Variants in SPDL1 observed in about 807,000 individuals in gnomAD.
SPDL1 encodes the protein protein Spindly.
SPDL1 carries 85 observed loss-of-function variants against 79.5 expected under a neutral mutation model. The observed-to-expected ratio is 1.07, with a 90% CI of 0.90 to 1.28. The LOEUF (loss-of-function observed/expected upper bound fraction) is 1.28. SPDL1 is among the 50% of genes most tolerant of loss of function. The pLI, the probability that SPDL1 is intolerant of heterozygous loss-of-function variation, is 0.00. For synonymous variants in SPDL1, 269 were observed against 240.3 expected (o/e 1.12, Z -1.10); for missense variants, 703 against 697.8 (o/e 1.01, Z -0.08).
chr5:169,594,996 A>T (rs1037813395), intron 7 of SPDL1, among the ~76,000 whole-genome samples: 3 of 152,170 alleles, frequency 2.0e-5, no homozygotes, highest in Non-Finnish European at 2.9e-5. Flanking sequence ...TCTTGGCCTG[A>T]TGTCTTTCCA....
chr5:169,598,523 T>C lies in SPDL1; in HGVS notation c.1080T>C (p.Thr360=). The part of the protein sequence containing the change: ...MESKPSVDSG[T]LEDNTYYTDL... ...CTAAGCCTTCAGTCGACTCTGGTAC[T>C]CTGGAAGATAACACCTATTATACAG... is the stretch of plus-strand genomic sequence containing the variant. Residue 360 remains threonine, a synonymous_variant, in exon 9 of 12, where the codon ACT becomes ACC. Coordinates refer to ENST00000265295, the MANE Select transcript of SPDL1 (RefSeq NM_017785.5). 2 of 1,613,376 alleles carry C rather than the reference T, an allele frequency of 1.2e-6. No individual in the cohort carries two copies. Among genetic ancestry groups the C allele is most frequent in the Non-Finnish European group, 1.7e-6 (2 of 1,179,448 alleles).
intron 8 of SPDL1, 142 bp downstream of exon 8, chr5:169,596,843 A>G (rs1026748386): frequency 1.2e-5 from 8 of 645,070 alleles, no homozygotes; most frequent in African/African-American, 9.7e-5. Context: ...TTCTCCTTAT[A>G]CTTAAACATC....
At chr5:169,588,296 C>T (rs972413813) in intron 1 of SPDL1, 98 bp from the exon 2 acceptor site, 44 of 772,314 alleles carry the variant, frequency 5.7e-5, no homozygotes, top group Admixed American at 2.0e-4. Context: ...TGTTTTTATA[C>T]GACAGTAGTA....
chr5:169,601,758 A>G lies in SPDL1; in HGVS notation c.1670+133A>G, dbSNP rs567354486. 5 of 884,706 alleles carry G rather than the reference A, an allele frequency of 5.7e-6. 1 individual carries two copies. The highest frequency in any genetic ancestry group is 2.9e-5 in the South Asian group (2 of 70,130). The allele number at this position is 884,706 out of a possible 1,614,324, so 54.8% of individuals were successfully genotyped here. On this transcript the variant is annotated intron_variant, in intron 11 of 11. Transcript: ENST00000265295. ...GCAGTATAATTCCTCAGTTTCATCT[A>G]CCTACCTTCAACTTTTCCAGAACTT...
chr5:169,588,662 A>C, intron 2 of SPDL1, 87 bp downstream of exon 2: 2 of 1,248,798 alleles, frequency 1.6e-6, no homozygotes, highest in Non-Finnish European at 2.2e-6. Flanking sequence ...GTAGTAGTTT[A>C]TTCTTTTCTG....
chr5:169,595,469 A>G (rs1420841783), intron 7 of SPDL1: 1 of 152,244 alleles, frequency 6.6e-6, no homozygotes, highest in Non-Finnish European at 1.5e-5. Context: ...TGAAAGCAAC[A>G]GTACCTCATC....
intron 2 of SPDL1, 99 bp downstream of exon 2, chr5:169,588,674 A>G: frequency 8.8e-6 from 10 of 1,136,868 alleles, no homozygotes; most frequent in Non-Finnish European, 1.2e-5. Context: ...TCTTTTCTGA[A>G]GATTTTAGAT....
Position 169,604,097 on chromosome 5 carries a change from G to C in SPDL1, c.1708G>C (p.Glu570Gln). ...AESKLQTEVK[E>Q]GKETSSKLEK... is the part of the protein sequence containing the mutation. Reference sequence around the variant, plus strand: ...ATCAAAGCTTCAAACAGAAGTTAAAGAAGGAAAAGAAACTTCAAGCAAATT... The same window carrying C: ...ATCAAAGCTTCAAACAGAAGTTAAACAAGGAAAAGAAACTTCAAGCAAATT... Residue 570 changes from glutamate (E) to glutamine (Q), a missense_variant, in exon 12 of 12, where the codon GAA becomes CAA. Physicochemically the swap from Glu to Gln is conservative, Grantham distance 29. Transcript: ENST00000265295. 1 of 1,612,854 alleles carries C rather than the reference G, an allele frequency of 6.2e-7. No individual in the cohort carries two copies. Among genetic ancestry groups the C allele is most frequent in the South Asian group, 1.1e-5 (1 of 90,878 alleles).
intron 1 of SPDL1, 159 bp downstream of exon 1, chr5:169,584,048 G>C (rs936078505): frequency 3.9e-5 from 6 of 152,212 alleles, no homozygotes; most frequent in Non-Finnish European, 7.3e-5. Context: ...TGGGTTCCGA[G>C]CCGGTCTTAT....
chr5:169,594,375 T>C lies in SPDL1; in HGVS notation c.682-19T>C, dbSNP rs1481301201. 6 of 1,613,512 alleles carry C rather than the reference T, an allele frequency of 3.7e-6. No homozygotes were observed. Among genetic ancestry groups the C allele is most frequent in the Non-Finnish European group, 5.1e-6 (6 of 1,179,588 alleles). The stretch of plus-strand genomic sequence containing the variant: ...CTAATGTAATCTCTGTTGCCTAAAT[T>C]GTTTTCTTTTGAATTTAGAAAGCTC... On this transcript the variant is annotated intron_variant, in intron 5 of 11. Transcript: ENST00000265295.
chr5:169,595,129 C>T (rs1755523842), intron 7 of SPDL1: 1 of 154,286 alleles, frequency 6.5e-6, no homozygotes, highest in Admixed American at 6.4e-5. Context: ...CTTGTAGCTC[C>T]TCAAGTCAAG....
intron 8 of SPDL1, 150 bp downstream of exon 8, chr5:169,596,851 A>G: frequency 1.6e-6 from 1 of 612,576 alleles, no homozygotes; most frequent in Non-Finnish European, 2.7e-6. Context: ...ATACTTAAAC[A>G]TCCATTGGTG....
At position 169,594,163 on chromosome 5, in the gene SPDL1, G is replaced by A; in HGVS notation, c.550G>A (p.Val184Met). The change falls in exon 5 of 12, where the codon GTG (valine) becomes ATG (methionine). Residue 184 changes from valine (V) to methionine (M), a missense_variant. Val to Met is a conservative substitution (Grantham distance 21). Transcript: ENST00000265295. The part of the protein sequence containing the change: ...ESMKTTLKEE[V>M]NELQYRQEQL... ...TAAATAGACCACCCTCAAAGAAGAA[G>A]TGAATGAACTACAATACAGACAAGA... 3 of 1,605,384 alleles carry A rather than the reference G, an allele frequency of 1.9e-6. No homozygotes were observed. Among genetic ancestry groups the A allele is most frequent in the Non-Finnish European group, 2.5e-6 (3 of 1,177,766 alleles).
intron 1 of SPDL1, among the ~76,000 whole-genome samples, chr5:169,584,536 C>A (rs154033): frequency 0.65 from 99,060 of 151,996 alleles, 32,571 homozygotes; most frequent in East Asian, 0.73. Flanking sequence ...ATGATTAAAC[C>A]AGAAATTAAA....
At position 169,594,668 on chromosome 5, in the gene SPDL1, T is replaced by C. The variant is rs201242667; in HGVS notation, c.878T>C (p.Met293Thr). Reference protein sequence around the residue: ...KKQNVFNREQMQRMKLQIATL... With the variant: ...KKQNVFNREQTQRMKLQIATL... Reference sequence around the variant, plus strand: ...CAAAATGTATTTAACAGAGAACAGATGCAGAGAATGAAGGTATAGAACTTT... The same window carrying C: ...CAAAATGTATTTAACAGAGAACAGACGCAGAGAATGAAGGTATAGAACTTT... Residue 293 changes from methionine (M) to threonine (T), a missense_variant, in exon 7 of 12, where the codon ATG (methionine) becomes ACG (threonine). Transcript: ENST00000265295. 2.1e-4 allele frequency: 336 copies of C among 1,611,272 alleles called. No homozygotes were observed. The Middle Eastern group carries it at 6.3e-3, about 30-fold the overall frequency.
At chr5:169,593,661 A>T in intron 4 of SPDL1, 113 bp downstream of exon 4, 2 of 1,061,580 alleles carry the variant, frequency 1.9e-6, no homozygotes, top group East Asian at 2.6e-5. Flanking sequence ...ACATTTTTTG[A>T]CCTAACTTGC....
chr5:169,601,139 A>C (rs1315042637), intron 10 of SPDL1, 141 bp from the exon 11 acceptor site: 1 of 663,324 alleles, frequency 1.5e-6, no homozygotes, highest in Non-Finnish European at 2.6e-6. Context: ...AGGTAGAAAC[A>C]AAGGATGCAT....
intron 8 of SPDL1, among the ~76,000 whole-genome samples, chr5:169,597,316 A>G (rs937774739): frequency 1.7e-4 from 26 of 152,008 alleles, no homozygotes; most frequent in African/African-American, 6.3e-4. Flanking sequence ...TCCCAGAGTC[A>G]TTTGTTAAAA....
At position 169,596,734 on chromosome 5, in the gene SPDL1, A is replaced by G. The variant is rs182736283; in HGVS notation, c.1032+33A>G. 385 of 1,520,260 alleles carry G rather than the reference A, an allele frequency of 2.5e-4. 1 individual carries two copies. In the East Asian group the frequency reaches 9.0e-3, roughly 35 times the overall value. 94.2% of individuals were successfully genotyped at this position (1,520,260 alleles called of 1,614,324 possible). A position where few individuals can be genotyped will look rare whatever the true frequency, so the allele number is the denominator to read the frequency against. ...TAACAGTTAAAAAAACACACATCCA[A>G]ATTTTGATTTGAATATCTTAAAATT... On this transcript the variant is annotated intron_variant, in intron 8 of 11. Transcript: ENST00000265295.
Sources: gnomAD v4.1 joint callset for allele counts (sites outside exome capture counted in the v4.1 genomes callset) on GRCh38, gnomAD v4.1.1 for gene constraint, MANE v1.5 for transcripts, NCBI Gene and HGNC (gene_info 2026-07-23, HGNC 2026-07-21) for gene names.